CACNA1C: variants seen among roughly 807,000 people sequenced by gnomAD.
CACNA1C encodes the protein calcium voltage-gated channel subunit alpha1 C, also known as voltage-dependent L-type calcium channel subunit alpha-1C.
CACNA1C carries 30 observed loss-of-function variants against 229.0 expected under a neutral mutation model. The observed-to-expected ratio is 0.13, with a 90% confidence interval of 0.10 to 0.18. The LOEUF (loss-of-function observed/expected upper bound fraction) is 0.18. CACNA1C is among the 10% of genes least tolerant of loss of function. The pLI is 1.00. For synonymous variants in CACNA1C, 1,114 were observed against 1,132.5 expected, an observed-to-expected ratio of 0.98 and a Z score of 0.33; for missense variants, 1,658 against 2,845.0, an observed-to-expected ratio of 0.58 and a Z score of 9.49.
chr12:2,539,296 C>G (rs10848671), intron 9 of CACNA1C, among the ~76,000 whole-genome samples: 1 of 34,280 alleles, frequency 2.9e-5, no homozygotes, highest in Non-Finnish European at 5.0e-5. Flanking sequence ...TTAAGGAGGG[C>G]TTCATAAAGA....
rs952567581 is a variant in CACNA1C, at chr12:2,120,481, G to C, written c.477+51G>C. The C allele has an allele frequency of 5.0e-6, 5 of 1,009,072 alleles. No individual in the cohort carries two copies. In the Admixed American group the frequency reaches 8.5e-5, roughly 17 times the overall value. The allele number at this position is 1,009,072 out of a possible 1,614,324, so 62.5% of individuals were successfully genotyped here. The stretch of plus-strand genomic sequence containing the variant: ...GCTTTTTCACTCGATGGAGAACTGC[G>C]TTCAGATCACATAGATGCATGGAAT... On this transcript the variant is annotated intron_variant, in intron 3 of 46. Coordinates refer to ENST00000399655, the MANE Select transcript of CACNA1C (RefSeq NM_000719.7).
At chr12:2,385,798 C>T (rs1329402832) in intron 3 of CACNA1C, among the ~76,000 whole-genome samples, 2 of 152,134 alleles carry the variant, frequency 1.3e-5, no homozygotes, top group Non-Finnish European at 2.9e-5. Flanking sequence ...ATTAGAATCA[C>T]CTGGGATCTT....
At chr12:2,670,076 A>C (rs1429213389) in intron 38 of CACNA1C, among the ~76,000 whole-genome samples, 1 of 152,216 alleles carries the variant, frequency 6.6e-6, no homozygotes, top group African/African-American at 2.4e-5. Flanking sequence ...TGTTTAAGCT[A>C]CTGAGTCCCA....
chr12:1,972,960 T>C (rs1565786663), intron 1 of CACNA1C, among the ~76,000 whole-genome samples: 1 of 152,198 alleles, frequency 6.6e-6, no homozygotes, highest in Admixed American at 6.5e-5. Flanking sequence ...CTGGCATCCA[T>C]AGATGGGAAA....
chr12:2,012,497 T>C (rs1452899093), intron 1 of CACNA1C, among the ~76,000 whole-genome samples: 1 of 152,222 alleles, frequency 6.6e-6, no homozygotes, highest in Non-Finnish European at 1.5e-5. Flanking sequence ...TCTAGTCCTT[T>C]ACAGAAAAAG....
chr12:2,549,575 T>C (rs2099892786), intron 9 of CACNA1C, among the ~76,000 whole-genome samples: 1 of 152,218 alleles, frequency 6.6e-6, no homozygotes, highest in South Asian at 2.1e-4. Flanking sequence ...TGAAAGCTCC[T>C]CTTTCTGTGG....
At chr12:2,167,880 C>T (rs1441365272) in intron 3 of CACNA1C, among the ~76,000 whole-genome samples, 2 of 152,210 alleles carry the variant, frequency 1.3e-5, no homozygotes, top group Non-Finnish European at 2.9e-5. Flanking sequence ...TCCAATGCTC[C>T]CTTCTCCCAG....
intron 3 of CACNA1C, among the ~76,000 whole-genome samples, chr12:2,349,317 G>A (rs895381835): frequency 1.7e-4 from 26 of 152,190 alleles, no homozygotes; most frequent in African/African-American, 6.0e-4. Context: ...GGCAGCGTTG[G>A]GACATAGAGC....
In CACNA1C at chr12:2,692,263, T is replaced by C. The variant is rs2097796745; in HGVS notation, c.*1064T>C. 6.6e-6 allele frequency: 1 copy of C among 152,266 alleles called. No homozygotes were observed. Among genetic ancestry groups the C allele is most frequent in the African/African-American group, 2.4e-5 (1 of 41,442 alleles). 9.4% of individuals were successfully genotyped at this position (152,266 alleles called of 1,614,324 possible). On this transcript the variant is annotated 3_prime_UTR_variant, in exon 47 of 47. Transcript: ENST00000399655. ...AATGGAAAGGTAACTGGCAATGCAC[T>C]TGATGTGGTCTTGCACATGTGGGTG...
chr12:2,306,382 G>T (rs776389032), intron 3 of CACNA1C, among the ~76,000 whole-genome samples: 29 of 152,322 alleles, frequency 1.9e-4, no homozygotes, highest in Non-Finnish European at 2.5e-4. Context: ...TGGGTCCTCT[G>T]TCTTCTCCTG....
At chr12:2,500,898 G>GC in intron 7 of CACNA1C, among the ~76,000 whole-genome samples, 1 of 152,006 alleles carries the variant, frequency 6.6e-6, no homozygotes, top group Non-Finnish European at 1.5e-5. Context: ...TTTCCTGACT[G>GC]CCCCACCCTC....
intron 4 of CACNA1C, among the ~76,000 whole-genome samples, chr12:2,454,006 A>G (rs2099400782): frequency 6.6e-6 from 1 of 152,192 alleles, no homozygotes; most frequent in Non-Finnish European, 1.5e-5. Context: ...CCACTGCACC[A>G]GGTTGCCAGG....
chr12:2,518,342 C>T (rs1221082710), intron 9 of CACNA1C, among the ~76,000 whole-genome samples: 2 of 152,184 alleles, frequency 1.3e-5, no homozygotes, highest in African/African-American at 4.8e-5. Context: ...GGCGTGGTGG[C>T]TCACGCCTGT....
chr12:2,658,441 G>C (rs2095533744), intron 34 of CACNA1C, among the ~76,000 whole-genome samples: 1 of 152,156 alleles, frequency 6.6e-6, no homozygotes, highest in Non-Finnish European at 1.5e-5. Context: ...TGACGCTATA[G>C]CATCAAAATG....
chr12:2,467,125 C>T lies in CACNA1C; in HGVS notation c.757+9419C>T, dbSNP rs1264857481. ...CACAGCGCTGGAGGCTGCCTGGTCC[C>T]CCTGCCCGCCCATCGGAGATGGTCC... is the stretch of plus-strand genomic sequence containing the variant. On this transcript the variant is annotated intron_variant, in intron 5 of 46. Transcript: ENST00000399655. The surrounding 1 kb of genome is among the most constrained non-coding windows in gnomAD (Gnocchi z 4.6). Among the ~76,000 whole-genome samples, 2 of 152,126 alleles carry T rather than the reference C, an allele frequency of 1.3e-5. No individual in the cohort carries two copies. The highest frequency in any genetic ancestry group is 1.9e-4 in the East Asian group (1 of 5,160).
intron 3 of CACNA1C, among the ~76,000 whole-genome samples, chr12:2,223,812 A>G (rs959529198): frequency 2.6e-5 from 4 of 152,228 alleles, no homozygotes; most frequent in African/African-American, 9.6e-5. Context: ...CCATCCCTCA[A>G]GAAACTTATA....
intron 32 of CACNA1C, among the ~76,000 whole-genome samples, chr12:2,652,517 C>T (rs1212043037): frequency 1.3e-5 from 2 of 152,270 alleles, no homozygotes; most frequent in African/African-American, 4.8e-5. Context: ...CTTCTCTCCC[C>T]CCATGGAGGG....
intron 3 of CACNA1C, among the ~76,000 whole-genome samples, chr12:2,441,997 T>C (rs752433837): frequency 2.4e-4 from 37 of 152,210 alleles, no homozygotes; most frequent in Non-Finnish European, 5.0e-4. Flanking sequence ...ACTGTAATTT[T>C]CTTACGTCCT....
At position 1,971,489 on chromosome 12, in the gene CACNA1C, C is replaced by T. The variant is rs202075215; in HGVS notation, c.139+288C>T. On this transcript the variant is annotated intron_variant, in intron 1 of 46. Coordinates refer to the CACNA1C transcript ENST00000682462. The surrounding 1 kb of genome is among the most constrained non-coding windows in gnomAD (Gnocchi z 4.2). Reference sequence around the variant, plus strand: ...CAATCTTTTACTTTCCTTTTAACTCCGTCAGTAAGATCAAGGAGATCAAAA... The same window carrying T: ...CAATCTTTTACTTTCCTTTTAACTCTGTCAGTAAGATCAAGGAGATCAAAA... Among the ~76,000 whole-genome samples the T allele has an allele frequency of 2.0e-5, 3 of 152,246 alleles. No homozygotes were observed. Among genetic ancestry groups the T allele is most frequent in the East Asian group, 1.9e-4 (1 of 5,186 alleles).
Sources: allele counts gnomAD v4.1 joint callset (sites outside exome capture counted in the v4.1 genomes callset), GRCh38; gene constraint gnomAD v4.1.1; non-coding constraint Gnocchi (gnomAD v3.1); transcripts MANE v1.5; gene names NCBI Gene and HGNC (gene_info 2026-07-23, HGNC 2026-07-21).